SMARCA2: variants seen among roughly 807,000 people sequenced by gnomAD.
SMARCA2 encodes the protein SWI/SNF-related matrix-associated actin-dependent regulator of chromatin subfamily A member 2.
Under a neutral mutation model 199.8 loss-of-function variants are expected in SMARCA2, and 61 were observed. The ratio of observed to expected loss-of-function variants is 0.31; its 90% CI spans 0.25 to 0.38. SMARCA2 has a LOEUF of 0.38. SMARCA2 is among the 10% of genes least tolerant of loss of function. The pLI is 1.00. For synonymous variants in SMARCA2, 935 were observed against 732.0 expected (o/e 1.28, Z -4.48); for missense variants, 1,344 against 2,012.2 (o/e 0.67, Z 6.35).
At chr9:2,059,691 T>C (rs1331726784) in intron 8 of SMARCA2, among the ~76,000 whole-genome samples, 1 of 152,122 alleles carries the variant, frequency 6.6e-6, no homozygotes, top group Non-Finnish European at 1.5e-5. Context: ...CGAAAGCAAT[T>C]AGAGTTATAA....
intron 27 of SMARCA2, among the ~76,000 whole-genome samples, chr9:2,126,853 C>T (rs1377733871): frequency 2.0e-5 from 3 of 152,246 alleles, no homozygotes; most frequent in Non-Finnish European, 4.4e-5. Flanking sequence ...TGTGTAGCCC[C>T]TCCAGTTCGT....
chr9:2,127,919 A>T (rs546003645), intron 27 of SMARCA2, among the ~76,000 whole-genome samples: 3 of 152,248 alleles, frequency 2.0e-5, no homozygotes, highest in Admixed American at 2.0e-4. Flanking sequence ...CTGCATTCAT[A>T]ATGTTGTTTT....
At chr9:2,018,967 C>T (rs1329765504) in intron 1 of SMARCA2, among the ~76,000 whole-genome samples, 3 of 152,178 alleles carry the variant, frequency 2.0e-5, no homozygotes. Flanking sequence ...CATTGTTATG[C>T]AAAATGAGAC....
chr9:2,124,784 G>A (rs1303767941), intron 27 of SMARCA2, among the ~76,000 whole-genome samples: 2 of 152,212 alleles, frequency 1.3e-5, no homozygotes, highest in Non-Finnish European at 2.9e-5. Context: ...AGTCGCGTGT[G>A]TGAACACTGA....
intron 23 of SMARCA2, among the ~76,000 whole-genome samples, chr9:2,106,465 C>G (rs1822759176): frequency 6.6e-6 from 1 of 152,158 alleles, no homozygotes; most frequent in South Asian, 2.1e-4. Flanking sequence ...TAACATGTTA[C>G]AGATGGAATT....
intron 9 of SMARCA2, among the ~76,000 whole-genome samples, chr9:2,065,588 G>C (rs1041304775): frequency 2.6e-5 from 4 of 152,174 alleles, no homozygotes; most frequent in African/African-American, 9.7e-5. Context: ...TTAGATACCA[G>C]AATGTCAGAA....
intron 19 of SMARCA2, 197 bp from the exon 20 acceptor site, chr9:2,096,460 C>T (rs1295692909): frequency 8.3e-6 from 4 of 481,340 alleles, no homozygotes; most frequent in East Asian, 6.4e-5. Flanking sequence ...AGAAGGCCCC[C>T]CCATCATAAT....
chr9:2,107,776 C>T (rs937415533), intron 23 of SMARCA2, among the ~76,000 whole-genome samples: 3 of 152,060 alleles, frequency 2.0e-5, no homozygotes, highest in African/African-American at 7.2e-5. Context: ...TCTCAGTAGG[C>T]ATTGGTTGTA....
chr9:2,074,750 C>A (rs1821249715), intron 12 of SMARCA2, among the ~76,000 whole-genome samples: 1 of 152,164 alleles, frequency 6.6e-6, no homozygotes, highest in Non-Finnish European at 1.5e-5. Context: ...GCCCGCAGTT[C>A]CAGCTACTCG....
At chr9:2,129,554 G>C (rs1823849051) in intron 27 of SMARCA2, among the ~76,000 whole-genome samples, 1 of 152,192 alleles carries the variant, frequency 6.6e-6, no homozygotes, top group African/African-American at 2.4e-5. Context: ...ACCAGGGAGT[G>C]CTACTGGGCC....
intron 12 of SMARCA2, among the ~76,000 whole-genome samples, chr9:2,074,128 G>C (rs1821214979): frequency 6.6e-6 from 1 of 152,088 alleles, no homozygotes; most frequent in Admixed American, 6.5e-5. Flanking sequence ...TGTGATTCTT[G>C]TTTGAATTCC....
At chr9:2,064,214 C>T (rs1009437128) in intron 9 of SMARCA2, among the ~76,000 whole-genome samples, 3 of 152,152 alleles carry the variant, frequency 2.0e-5, no homozygotes, top group East Asian at 1.9e-4. Context: ...CTGTCTGAGT[C>T]GTGTTAGCAG....
At chr9:2,101,286 G>C (rs910564885) in intron 21 of SMARCA2, among the ~76,000 whole-genome samples, 1 of 151,934 alleles carries the variant, frequency 6.6e-6, no homozygotes, top group African/African-American at 2.4e-5. Context: ...TATTGGCTCC[G>C]CTATGGGCCA....
intron 29 of SMARCA2, among the ~76,000 whole-genome samples, chr9:2,174,393 T>C (rs979630227): frequency 6.6e-6 from 1 of 152,208 alleles, no homozygotes; most frequent in African/African-American, 2.4e-5. Flanking sequence ...GAAAAAAATC[T>C]GTCTCACTCC....
In SMARCA2 at chr9:2,099,606, G is replaced by A. The variant is rs1822418907; in HGVS notation, c.3079-1964G>A. ...TTGACATTTTAAGTAGCAGTTGGTAGAAAGGCAGACTCTGATTTGCAATTT... is the reference window on the plus strand; with the variant it reads ...TTGACATTTTAAGTAGCAGTTGGTAAAAAGGCAGACTCTGATTTGCAATTT... On this transcript the variant is annotated intron_variant, in intron 21 of 33. Coordinates refer to ENST00000349721, the MANE Select transcript of SMARCA2 (RefSeq NM_003070.5). Among the ~76,000 whole-genome samples the A allele has an allele frequency of 3.3e-5, 5 of 152,290 alleles. No individual in the cohort carries two copies. The South Asian group carries it at 1.0e-3, about 32-fold the overall frequency.
At position 2,056,580 on chromosome 9, in the gene SMARCA2, C is replaced by A; in HGVS notation, c.1174-92C>A. The A allele has an allele frequency of 1.7e-6, 2 of 1,169,272 alleles. No individual in the cohort carries two copies. The highest frequency in any genetic ancestry group is 2.4e-6 in the Non-Finnish European group (2 of 837,590). The allele number at this position is 1,169,272 out of a possible 1,614,324, so 72.4% of individuals were successfully genotyped here. The stretch of plus-strand genomic sequence containing the variant: ...AAGCTTGTGGAGATTCCCCGCCCCA[C>A]TCTATTCCATTAAATGCAACCGCGA... On this transcript the variant is annotated intron_variant, in intron 6 of 33. Transcript: ENST00000349721. This position sits in a 1 kb window ranked among gnomAD's most constrained non-coding sequence, Gnocchi z 4.0.
At chr9:2,101,087 C>T (rs963225192) in intron 21 of SMARCA2, among the ~76,000 whole-genome samples, 5 of 152,112 alleles carry the variant, frequency 3.3e-5, no homozygotes, top group African/African-American at 1.2e-4. Flanking sequence ...CAGGGTCCCA[C>T]CCACAACACA....
At position 2,170,798 on chromosome 9, in the gene SMARCA2, T is replaced by G. The variant is rs540501182; in HGVS notation, c.4253+326T>G. ...CTTCCCCCTCCCTTCCAGCGCAGCT[T>G]CTGTTGTGTGTTCCTTGGGCCTCTT... On this transcript the variant is annotated intron_variant, in intron 29 of 33. Transcript: ENST00000349721. The surrounding 1 kb of genome is among the most constrained non-coding windows in gnomAD (Gnocchi z 4.7). Among the ~76,000 whole-genome samples, 5 of 152,288 alleles carry G rather than the reference T, an allele frequency of 3.3e-5. No individual in the cohort carries two copies. The highest frequency in any genetic ancestry group is 4.8e-5 in the African/African-American group (2 of 41,554).
chr9:2,174,234 G>C (rs1414104269), intron 29 of SMARCA2, among the ~76,000 whole-genome samples: 3 of 152,162 alleles, frequency 2.0e-5, no homozygotes, highest in African/African-American at 7.2e-5. Context: ...GGAAGGGAAG[G>C]AGGCTCAGCT....
Sources: gnomAD v4.1 joint callset for allele counts (sites outside exome capture counted in the v4.1 genomes callset) on GRCh38, gnomAD v4.1.1 for gene constraint, Gnocchi (gnomAD v3.1) non-coding constraint, MANE v1.5 for transcripts, NCBI Gene and HGNC (gene_info 2026-07-23, HGNC 2026-07-21) for gene names.